SLF1: variants seen among roughly 807,000 people sequenced by gnomAD.
SLF1 encodes the protein SMC5/6 complex localization factor 1.
A neutral mutation model predicts 123.0 loss-of-function variants in SLF1; 105 were observed. The ratio of observed to expected loss-of-function variants is 0.85; its 90% confidence interval spans 0.73 to 1.00. The LOEUF is 1.00. Among genes scored for constraint, SLF1 ranks in the 50% least tolerant of loss-of-function variants. The probability of loss-of-function intolerance (pLI) is 0.00; values close to 1 mark genes in which losing one functional copy is unlikely to be tolerated. For synonymous variants in SLF1, 434 were observed against 406.6 expected (o/e 1.07, Z -0.81); for missense variants, 1,239 against 1,223.0 (o/e 1.01, Z -0.20).
intron 4 of SLF1, among the ~76,000 whole-genome samples, chr5:94,633,406 A>G (rs1316304910): frequency 2.0e-5 from 3 of 152,200 alleles, no homozygotes; most frequent in Non-Finnish European, 1.5e-5. Context: ...GCAATTTTTA[A>G]AAATGATTTT....
chr5:94,691,541 AATC>A lies in SLF1; in HGVS notation c.2420-22_2420-20del. The A allele has an allele frequency of 6.3e-7, 1 of 1,582,704 alleles. No individual in the cohort carries two copies. Among genetic ancestry groups the A allele is most frequent in the Non-Finnish European group, 8.6e-7 (1 of 1,156,636 alleles). On this transcript the variant is annotated intron_variant, in intron 18 of 20. Coordinates refer to ENST00000265140, the MANE Select transcript of SLF1 (RefSeq NM_032290.4). ...GTTGATATCTTGTCTTCTCTGGAAT[AATC>A]TATTAATTTTTTATGGCAGGAGAAA...
chr5:94,647,690 G>T, intron 5 of SLF1, among the ~76,000 whole-genome samples: 1 of 152,222 alleles, frequency 6.6e-6, no homozygotes, highest in Admixed American at 6.5e-5. Flanking sequence ...GAATAAAAAT[G>T]ACTATTTATA....
intron 15 of SLF1, among the ~76,000 whole-genome samples, chr5:94,686,307 A>T (rs1210440331): frequency 6.6e-6 from 1 of 152,234 alleles, no homozygotes; most frequent in Non-Finnish European, 1.5e-5. Flanking sequence ...TAATCTGTAT[A>T]TATGTAATTT....
At position 94,630,522 on chromosome 5, in the gene SLF1, G is replaced by A. The variant is rs1177565102; in HGVS notation, c.210G>A (p.Lys70=). 7 of 1,551,320 alleles carry A rather than the reference G, an allele frequency of 4.5e-6. No individual in the cohort carries two copies. Among genetic ancestry groups the A allele is most frequent in the Non-Finnish European group, 6.1e-6 (7 of 1,146,824 alleles). The change falls in exon 4 of 21, where the codon AAG becomes AAA. Residue 70 remains lysine, a synonymous_variant. Transcript: ENST00000265140. ...ACAAGKWILT[K]DYIIHSAKSG... ...TTCTAGGAAAGTGGATACTAACCAAGGACTATATAATTCATAGTGCCAAAA... is the reference window on the plus strand; with the variant it reads ...TTCTAGGAAAGTGGATACTAACCAAAGACTATATAATTCATAGTGCCAAAA...
chr5:94,637,463 G>T (rs1245449958), intron 4 of SLF1, among the ~76,000 whole-genome samples: 2 of 152,084 alleles, frequency 1.3e-5, no homozygotes, highest in Non-Finnish European at 2.9e-5. Flanking sequence ...CAGGCTCAGG[G>T]TGTATTCCAT....
intron 14 of SLF1, among the ~76,000 whole-genome samples, chr5:94,672,774 A>C (rs924004096): frequency 2.6e-5 from 4 of 152,124 alleles, no homozygotes; most frequent in Non-Finnish European, 5.9e-5. Context: ...TCCATATCTG[A>C]AGTCTTTATG....
chr5:94,683,366 A>G (rs751489100), intron 15 of SLF1, among the ~76,000 whole-genome samples: 17 of 152,218 alleles, frequency 1.1e-4, no homozygotes, highest in Non-Finnish European at 2.4e-4. Flanking sequence ...ACAGTTTTCT[A>G]TACAGTGGAA....
At chr5:94,675,904 A>ATTTT (rs70978120) in intron 14 of SLF1, among the ~76,000 whole-genome samples, 10 of 121,708 alleles carry the variant, frequency 8.2e-5, no homozygotes, top group East Asian at 2.4e-4. Flanking sequence ...CAACTGGTTG[A>ATTTT]TTTTTTTTTT....
intron 5 of SLF1, among the ~76,000 whole-genome samples, chr5:94,644,368 C>T (rs999154726): frequency 6.6e-6 from 1 of 152,134 alleles, no homozygotes; most frequent in Non-Finnish European, 1.5e-5. Context: ...TTGATCCTGT[C>T]ACTCACCTAC....
Position 94,652,239 on chromosome 5 carries a change from G to A in SLF1, c.882+394G>A, listed in dbSNP as rs551629876. 2.0e-5 allele frequency among the ~76,000 whole-genome samples: 3 copies of A among 152,202 alleles called. No homozygotes were observed. In the South Asian group the frequency reaches 6.2e-4, roughly 32 times the overall value. On this transcript the variant is annotated intron_variant, in intron 7 of 20. Coordinates refer to ENST00000265140, the MANE Select transcript of SLF1 (RefSeq NM_032290.4). Reference sequence around the variant, plus strand: ...TTGGCCAGGATGGTCTTGATCTCTTGACCTTGTAATCTGCCCACCTCCGCC... The same window carrying A: ...TTGGCCAGGATGGTCTTGATCTCTTAACCTTGTAATCTGCCCACCTCCGCC...
intron 9 of SLF1, among the ~76,000 whole-genome samples, chr5:94,657,789 G>T (rs1362999873): frequency 6.6e-6 from 1 of 152,106 alleles, no homozygotes; most frequent in Non-Finnish European, 1.5e-5. Context: ...CTTTTTATCA[G>T]TATGTAATGA....
At position 94,665,949 on chromosome 5, in the gene SLF1, C is replaced by T. The variant is rs200577425; in HGVS notation, c.1457C>T (p.Ser486Leu). The change falls in exon 12 of 21, where the codon TCG (serine) becomes TTG (leucine). Residue 486 changes from serine to leucine, a missense_variant. Physicochemically the swap from Ser to Leu is moderately radical, Grantham distance 145 (BLOSUM62 -2). Coordinates refer to ENST00000265140, the MANE Select transcript of SLF1 (RefSeq NM_032290.4). Reference protein sequence around the residue: ...LHPPWKSPAMSRYYLELFQCP... With the variant: ...LHPPWKSPAMLRYYLELFQCP... ...CCTCCTTGGAAGTCTCCAGCCATGT[C>T]GAGATATTATTTAGAGTTGTTTCAG... The T allele has an allele frequency of 2.8e-5, 43 of 1,551,104 alleles. No homozygotes were observed. The highest frequency in any genetic ancestry group is 5.9e-5 in the South Asian group (5 of 84,044).
At chr5:94,668,000 A>T (rs924856823) in intron 12 of SLF1, among the ~76,000 whole-genome samples, 1 of 151,992 alleles carries the variant, frequency 6.6e-6, no homozygotes, top group African/African-American at 2.4e-5. Flanking sequence ...TGCCCGCCTC[A>T]GCCTCCCAAA....
chr5:94,630,671 C>G lies in SLF1; in HGVS notation c.359C>G (p.Ala120Gly). Residue 120 changes from alanine (A) to glycine (G), a missense_variant, in exon 4 of 21, where the codon GCT becomes GGT. Transcript: ENST00000265140. ...CGTGAAGAACTGAAACGCACTGGTGCTCCAGGAGCCTTCCACAGATGGAAA... is the reference window on the plus strand; with the variant it reads ...CGTGAAGAACTGAAACGCACTGGTGGTCCAGGAGCCTTCCACAGATGGAAA... ...RWREELKRTG[A>G]PGAFHRWKVV... 1 of 1,551,722 alleles carries G rather than the reference C, an allele frequency of 6.4e-7. No individual in the cohort carries two copies. The highest frequency in any genetic ancestry group is 8.7e-7 in the Non-Finnish European group (1 of 1,146,996).
chr5:94,642,927 C>T (rs529607308), intron 4 of SLF1, among the ~76,000 whole-genome samples: 45 of 151,908 alleles, frequency 3.0e-4, no homozygotes, highest in Non-Finnish European at 6.0e-4. Flanking sequence ...CTTGGGAGTA[C>T]GTTACCTTTG....
Position 94,663,830 on chromosome 5 carries a change from T to C in SLF1, c.1290T>C (p.Ile430=), listed in dbSNP as rs1169442966. Residue 430 remains isoleucine (I), a synonymous_variant, in exon 11 of 21, where the codon ATT becomes ATC. Coordinates refer to ENST00000265140, the MANE Select transcript of SLF1 (RefSeq NM_032290.4). ...LIEGHFFKEA[I]EELSTLQAHY... ...AAGGACATTTTTTTAAAGAAGCAAT[T>C]GAGGAACTTTCCACTTTGCAGGCAC... The C allele has an allele frequency of 6.4e-7, 1 of 1,550,836 alleles. No homozygotes were observed. Among genetic ancestry groups the C allele is most frequent in the Admixed American group, 2.0e-5 (1 of 50,922 alleles).
At chr5:94,659,252 C>T (rs1748776630) in intron 9 of SLF1, among the ~76,000 whole-genome samples, 1 of 151,732 alleles carries the variant, frequency 6.6e-6, no homozygotes, top group Non-Finnish European at 1.5e-5. Flanking sequence ...TCCTGCTTAC[C>T]TTGTATTGTT....
chr5:94,666,202 G>A lies in SLF1; in HGVS notation c.1532+178G>A, dbSNP rs1378938496. On this transcript the variant is annotated intron_variant, in intron 12 of 20. Transcript: ENST00000265140. ...GAAAAGGCAAATCTATATTGGTCAT[G>A]TTTTTCAGTCTGTTTCCTAAAAAAA... 3.3e-5 allele frequency among the ~76,000 whole-genome samples: 5 copies of A among 152,264 alleles called. 1 individual carries two copies. Among genetic ancestry groups the A allele is most frequent in the Admixed American group, 2.6e-4 (4 of 15,306 alleles).
At chr5:94,632,362 A>C (rs1561424084) in intron 4 of SLF1, among the ~76,000 whole-genome samples, 1 of 152,190 alleles carries the variant, frequency 6.6e-6, no homozygotes, top group African/African-American at 2.4e-5. Flanking sequence ...AAGTTGTTTT[A>C]GTGAATCTGG....
Sources: gnomAD v4.1 joint callset for allele counts (sites outside exome capture counted in the v4.1 genomes callset) on GRCh38, gnomAD v4.1.1 for gene constraint, MANE v1.5 for transcripts, NCBI Gene and HGNC (gene_info 2026-07-23, HGNC 2026-07-21) for gene names.